The following DNAH10 variants were observed in gnomAD, a reference collection of about 807,000 sequenced individuals.
DNAH10 encodes the protein dynein axonemal heavy chain 10, also known as axonemal beta dynein heavy chain 10.
A neutral mutation model predicts 506.6 loss-of-function variants in DNAH10; 348 were observed. The ratio of observed to expected loss-of-function variants is 0.69; its 90% confidence interval spans 0.63 to 0.75. The LOEUF is 0.75. DNAH10 is among the 30% of genes least tolerant of loss of function. The probability of loss-of-function intolerance (pLI) is 0.00; values close to 1 mark genes in which losing one functional copy is unlikely to be tolerated. For synonymous variants in DNAH10, 2,059 were observed against 2,198.6 expected (o/e 0.94, Z 1.78); for missense variants, 5,179 against 5,787.1 (o/e 0.89, Z 3.41).
At chr12:123,813,008 A>G (rs1172661768) in intron 19 of DNAH10, among the ~76,000 whole-genome samples, 156 bp from the exon 20 acceptor site, 1 of 152,218 alleles carries the variant, frequency 6.6e-6, no homozygotes, top group Non-Finnish European at 1.5e-5. Flanking sequence ...GATGAGAGGA[A>G]CAAAGGATTA....
Position 123,919,095 on chromosome 12 carries a change from A to T in DNAH10, c.11506+146A>T, listed in dbSNP as rs868367860. 4 of 1,059,440 alleles carry T rather than the reference A, an allele frequency of 3.8e-6. No homozygotes were observed. The African/African-American group carries it at 6.6e-5, about 18-fold the overall frequency. 65.6% of individuals were successfully genotyped at this position (1,059,440 alleles called of 1,614,324 possible). On this transcript the variant is annotated intron_variant, in intron 65 of 78. Transcript: ENST00000673944. This position sits in a 1 kb window ranked among gnomAD's most constrained non-coding sequence, Gnocchi z 4.9. ...TTTCTTTCTTTTTCTTTTTTTTTTGAGATAGGGTCTTGCTCCATCACCCAG... is the reference window on the plus strand; with the variant it reads ...TTTCTTTCTTTTTCTTTTTTTTTTGTGATAGGGTCTTGCTCCATCACCCAG...
intron 32 of DNAH10, among the ~76,000 whole-genome samples, chr12:123,847,262 CT>C (rs1334235786): frequency 2.7e-4 from 38 of 138,370 alleles, no homozygotes; most frequent in Middle Eastern, 3.5e-3. Context: ...ATCTATCTAT[CT>C]ATCCATCCAT....
At chr12:123,927,584 C>G (rs1301391153) in intron 69 of DNAH10, 2 of 152,384 alleles carry the variant, frequency 1.3e-5, no homozygotes, top group African/African-American at 4.8e-5. Context: ...TCACAGTGCT[C>G]CCTGCTAGAA....
intron 59 of DNAH10, among the ~76,000 whole-genome samples, 151 bp downstream of exon 59, chr12:123,910,823 C>A (rs1954032437): frequency 6.7e-6 from 1 of 150,358 alleles, no homozygotes; most frequent in Non-Finnish European, 1.5e-5. Flanking sequence ...AAATGGCAAT[C>A]CTGAAACACC....
At position 123,894,745 on chromosome 12, in the gene DNAH10, A is replaced by G. The variant is rs759913015; in HGVS notation, c.9280+22A>G. On this transcript the variant is annotated intron_variant, in intron 54 of 78. Transcript: ENST00000673944. The stretch of plus-strand genomic sequence containing the variant: ...CTAGGTAAGTCACAGCTGTTATGGG[A>G]ACTGCATTATTGATAAAACAAAGCA... 2.5e-6 allele frequency: 4 copies of G among 1,600,160 alleles called. No homozygotes were observed. The African/African-American group carries it at 4.0e-5, about 16-fold the overall frequency.
chr12:123,933,556 T>C, intron 77 of DNAH10, 45 bp downstream of exon 77: 1 of 1,533,418 alleles, frequency 6.5e-7, no homozygotes, highest in Non-Finnish European at 8.8e-7. Flanking sequence ...ACTTAGGATT[T>C]CTCTCCCTGA....
Position 123,803,698 on chromosome 12 carries a change from T to G in DNAH10, c.2652T>G (p.Ile884Met), listed in dbSNP as rs1958555087. Reference sequence around the variant, plus strand: ...ATATAACTGGTTGCAAACAGGCCATTGGGAAATTTGAGTCTCTCGTCCACC... The same window carrying G: ...ATATAACTGGTTGCAAACAGGCCATGGGGAAATTTGAGTCTCTCGTCCACC... ...GDYITGCKQA[I>M]GKFESLVHQI... The change falls in exon 17 of 79, where the codon ATT becomes ATG. Residue 884 changes from isoleucine (I) to methionine (M), a missense_variant. This residue lies in a region of DNAH10 where 4,844 missense variants were observed against 5,430.5 expected (regional missense o/e 0.89). Transcript: ENST00000673944. 4 of 1,608,020 alleles carry G rather than the reference T, an allele frequency of 2.5e-6. No homozygotes were observed. The highest frequency in any genetic ancestry group is 2.7e-5 in the African/African-American group (2 of 74,416).
intron 19 of DNAH10, among the ~76,000 whole-genome samples, chr12:123,810,358 A>G (rs931266320): frequency 6.6e-6 from 1 of 152,208 alleles, no homozygotes; most frequent in Non-Finnish European, 1.5e-5. Flanking sequence ...TAGAAATCAG[A>G]ATAGGGAATT....
rs761115866 is a variant in DNAH10, at chr12:123,914,476, C to A, written c.10500C>A (p.Ile3500=). The change falls in exon 61 of 79, where the codon ATC becomes ATA. Residue 3500 remains isoleucine (I), a synonymous_variant. Transcript: ENST00000673944. ...TCAATCGGATTTGGCAAAATGACATCCTGGAGCGGGAGATCCCCCTGAGCC... is the reference window on the plus strand; with the variant it reads ...TCAATCGGATTTGGCAAAATGACATACTGGAGCGGGAGATCCCCCTGAGCC... The part of the protein sequence containing the change: ...EMVNRIWQND[I]LEREIPLSQP... 6.2e-7 allele frequency: 1 copy of A among 1,613,670 alleles called. No individual in the cohort carries two copies. Among genetic ancestry groups the A allele is most frequent in the Admixed American group, 1.7e-5 (1 of 60,004 alleles).
rs1455505535 is a variant in DNAH10 at position 123,879,700 on chromosome 12, G to A, written c.8533G>A (p.Asp2845Asn). The A allele has an allele frequency of 1.2e-6, 2 of 1,613,842 alleles. No homozygotes were observed. Among genetic ancestry groups the A allele is most frequent in the South Asian group, 1.1e-5 (1 of 91,090 alleles). Residue 2845 changes from aspartate (D) to asparagine (N), a missense_variant, in exon 50 of 79, where the codon GAT becomes AAT. Physicochemically the swap from Asp to Asn is conservative, Grantham distance 23. Around this residue, in one of 3 missense-constraint regions of DNAH10, gnomAD observed 4,844 missense variants for 5,430.5 expected, o/e 0.89. Coordinates refer to ENST00000673944, the MANE Select transcript of DNAH10 (RefSeq NM_001372106.1). Reference protein sequence around the residue: ...FKDDVEVVMRDPILFGDFQMA... With the variant: ...FKDDVEVVMRNPILFGDFQMA... ...AGATGACGTGGAGGTGGTGATGAGG[G>A]ATCCCATATTGTTTGGAGACTTCCA...
chr12:123,882,301 GC>G (rs1952542813), intron 51 of DNAH10: 2 of 152,668 alleles, frequency 1.3e-5, no homozygotes, highest in Non-Finnish European at 2.9e-5. Flanking sequence ...ATAGTATGGG[GC>G]TGGCAATTTG....
intron 19 of DNAH10, among the ~76,000 whole-genome samples, chr12:123,810,972 T>C (rs1172456548): frequency 6.6e-6 from 1 of 152,238 alleles, no homozygotes; most frequent in African/African-American, 2.4e-5. Context: ...TGTATTATTT[T>C]AGCTTCATAA....
intron 14 of DNAH10, 24 bp from the exon 15 acceptor site, chr12:123,800,192 G>C (rs367921949): frequency 1.9e-6 from 3 of 1,609,866 alleles, no homozygotes; most frequent in Non-Finnish European, 2.5e-6. Context: ...CCCTGGCCGC[G>C]CTGATGGAAT....
chr12:123,930,241 G>T lies in DNAH10; in HGVS notation c.12613-161G>T, dbSNP rs1361735802. 2.0e-5 allele frequency: 13 copies of T among 641,124 alleles called. No individual in the cohort carries two copies. The African/African-American group carries it at 2.3e-4, about 11-fold the overall frequency. 39.7% of individuals were successfully genotyped at this position (641,124 alleles called of 1,614,324 possible). ...CAGCAAAGCCACAGATCAATTGTGT[G>T]AACAGTGGCCCGAAAGGTTATGCAA... On this transcript the variant is annotated intron_variant, in intron 72 of 78. Coordinates refer to ENST00000673944, the MANE Select transcript of DNAH10 (RefSeq NM_001372106.1).
Position 123,858,102 on chromosome 12 carries a change from C to T in DNAH10, c.6630+855C>T, listed in dbSNP as rs1196806198. ...TTTCACACAATGTGATCAGGTGACTCAAATATTTTGTTTTGAGGCATCAAC... is the reference window on the plus strand; with the variant it reads ...TTTCACACAATGTGATCAGGTGACTTAAATATTTTGTTTTGAGGCATCAAC... On this transcript the variant is annotated intron_variant, in intron 37 of 78. Transcript: ENST00000673944. 2.0e-5 allele frequency among the ~76,000 whole-genome samples: 3 copies of T among 151,954 alleles called. No individual in the cohort carries two copies. The East Asian group carries it at 5.8e-4, about 29-fold the overall frequency.
chr12:123,833,351 A>T lies in DNAH10; in HGVS notation c.4779+4A>T. On this transcript the variant is annotated splice_donor_region_variant and intron_variant, in intron 27 of 78. Transcript: ENST00000673944. ...TCTAATAGGGGAAGTCATTGAGGTG[A>T]GAGAAAAGATGAACAAAAGATGGAT... The T allele has an allele frequency of 1.2e-6, 2 of 1,604,440 alleles. No homozygotes were observed. Among genetic ancestry groups the T allele is most frequent in the Non-Finnish European group, 1.7e-6 (2 of 1,174,562 alleles).
At chr12:123,841,744 A>G (rs984151851) in intron 30 of DNAH10, among the ~76,000 whole-genome samples, 199 bp downstream of exon 30, 6 of 152,196 alleles carry the variant, frequency 3.9e-5, no homozygotes, top group African/African-American at 7.2e-5. Flanking sequence ...GCTGGAATAC[A>G]GTGGTACAAT....
At chr12:123,884,724 A>T (rs1486079310) in intron 51 of DNAH10, among the ~76,000 whole-genome samples, 1 of 152,124 alleles carries the variant, frequency 6.6e-6, no homozygotes, top group African/African-American at 2.4e-5. Context: ...GAGAACAAAC[A>T]TTCAGTCTAT....
chr12:123,848,152 G>T, intron 33 of DNAH10, 57 bp downstream of exon 33: 2 of 1,568,956 alleles, frequency 1.3e-6, no homozygotes, highest in South Asian at 2.3e-5. Context: ...CTTAAAGCAG[G>T]ACATGGCATT....
Sources: allele counts gnomAD v4.1 joint callset (sites outside exome capture counted in the v4.1 genomes callset), GRCh38; gene constraint gnomAD v4.1.1; regional missense constraint gnomAD v4.1.1; non-coding constraint Gnocchi (gnomAD v3.1); transcripts MANE v1.5; gene names NCBI Gene and HGNC (gene_info 2026-07-23, HGNC 2026-07-21).